Variants in DYNC2H1 observed in about 807,000 individuals in gnomAD.
DYNC2H1 encodes cytoplasmic dynein 2 heavy chain 1.
A neutral mutation model predicts 570.0 loss-of-function variants in DYNC2H1; 410 were observed. The ratio of observed to expected loss-of-function variants is 0.72; its 90% CI spans 0.66 to 0.78. DYNC2H1 has a LOEUF of 0.78. Ranked by LOEUF, DYNC2H1 falls within the 30% of genes least tolerant of loss-of-function variation. DYNC2H1 has a pLI of 0.00. For synonymous variants in DYNC2H1, 1,688 were observed against 1,677.6 expected (o/e 1.01, Z -0.15); for missense variants, 4,865 against 5,046.4 (o/e 0.96, Z 1.09).
chr11:103,238,538 T>A (rs1485683075), intron 63 of DYNC2H1, among the ~76,000 whole-genome samples: 1 of 151,476 alleles, frequency 6.6e-6, no homozygotes, highest in Non-Finnish European at 1.5e-5. Flanking sequence ...CACCGCATAC[T>A]CCAGCCTGGG....
At position 103,201,244 on chromosome 11, in the gene DYNC2H1, T is replaced by G. The variant is rs972343989; in HGVS notation, c.8197+1090T>G. Among the ~76,000 whole-genome samples the G allele has an allele frequency of 3.3e-5, 5 of 152,208 alleles. No individual in the cohort carries two copies. ...ACCACTTGAAAGAGGACTATCTTAA[T>G]ACAAATACTCTCTAGAAATTTATGG... On this transcript the variant is annotated intron_variant, in intron 50 of 88. Transcript: ENST00000375735. The surrounding 1 kb of genome is among the most constrained non-coding windows in gnomAD (Gnocchi z 4.8).
At chr11:103,124,273 CCT>C (rs1858871630) in intron 11 of DYNC2H1, among the ~76,000 whole-genome samples, 1 of 151,652 alleles carries the variant, frequency 6.6e-6, no homozygotes, top group Non-Finnish European at 1.5e-5. Context: ...ATGGCGAAAT[CCT>C]GTCTCTACAA....
chr11:103,158,621 T>C (rs1860940062), intron 26 of DYNC2H1, 56 bp from the exon 27 acceptor site: 1 of 1,434,398 alleles, frequency 7.0e-7, no homozygotes, highest in Non-Finnish European at 9.4e-7. Context: ...AATCTGTTTT[T>C]CTTACCCCCC....
Position 103,163,074 on chromosome 11 carries a change from A to G in DYNC2H1, c.4538A>G (p.Gln1513Arg), listed in dbSNP as rs1173677747. The G allele has an allele frequency of 1.9e-6, 3 of 1,613,202 alleles. No homozygotes were observed. Among genetic ancestry groups the G allele is most frequent in the Non-Finnish European group, 2.5e-6 (3 of 1,179,318 alleles). Residue 1513 changes from glutamine (Q) to arginine (R), a missense_variant, in exon 30 of 89, where the codon CAG becomes CGG. Around this residue, in one of 5 missense-constraint regions of DYNC2H1, gnomAD observed 1,936 missense variants for 1,962.1 expected, o/e 0.99. Coordinates refer to ENST00000375735, the MANE Select transcript of DYNC2H1 (RefSeq NM_001377.3). The surrounding 1 kb of genome is among the most constrained non-coding windows in gnomAD (Gnocchi z 4.6). The stretch of plus-strand genomic sequence containing the variant: ...TTAGAAATGAAGAAAACTTTGGAAC[A>G]GTTGTTGAAGGAATGTGTTACTACT... Reference protein sequence around the residue: ...LALEMKKTLEQLLKECVTTGR... With the variant: ...LALEMKKTLERLLKECVTTGR...
intron 20 of DYNC2H1, among the ~76,000 whole-genome samples, chr11:103,149,482 T>A (rs1196462006): frequency 6.6e-6 from 1 of 152,206 alleles, no homozygotes; most frequent in Non-Finnish European, 1.5e-5. Flanking sequence ...CTTAAAATTA[T>A]AAAGAGAGAT....
chr11:103,386,952 A>T (rs1450545303), intron 83 of DYNC2H1, among the ~76,000 whole-genome samples: 1 of 151,786 alleles, frequency 6.6e-6, no homozygotes, highest in Non-Finnish European at 1.5e-5. Context: ...ATAGTGCAGC[A>T]ATAAACATAC....
chr11:103,310,687 TTTTTTTTTTTTG>T (rs955888963), intron 78 of DYNC2H1, among the ~76,000 whole-genome samples: 1 of 89,778 alleles, frequency 1.1e-5, no homozygotes, highest in Non-Finnish European at 2.1e-5. Context: ...TTTTTTTTTT[TTTTTTTTTTTTG>T]GGAGACTGAG....
At chr11:103,424,249 T>G (rs1252688630) in intron 84 of DYNC2H1, among the ~76,000 whole-genome samples, 1 of 122,094 alleles carries the variant, frequency 8.2e-6, no homozygotes, top group Non-Finnish European at 1.6e-5. Context: ...GGTATATTAA[T>G]TATATATCAG....
chr11:103,418,221 A>G (rs112888933), intron 84 of DYNC2H1, among the ~76,000 whole-genome samples: 1 of 143,768 alleles, frequency 7.0e-6, no homozygotes, highest in Non-Finnish European at 1.5e-5. Flanking sequence ...TTGGAAAGAA[A>G]GAAGGAAGCC....
Position 103,319,563 on chromosome 11 carries a change from T to G in DYNC2H1, c.11726-1466T>G, listed in dbSNP as rs2135434107. 6.6e-6 allele frequency among the ~76,000 whole-genome samples: 1 copy of G among 152,286 alleles called. No homozygotes were observed. The highest frequency in any genetic ancestry group is 2.1e-4 in the South Asian group (1 of 4,824). On this transcript the variant is annotated intron_variant, in intron 80 of 88. Transcript: ENST00000375735. The surrounding 1 kb of genome is among the most constrained non-coding windows in gnomAD (Gnocchi z 4.3). ...ACATTTAATATGTGGAGTTAAGCTA[T>G]CAGTAATTGTTGGCTGTTATTATTG...
chr11:103,133,477 A>G lies in DYNC2H1; in HGVS notation c.1954-78A>G. 1 of 1,396,526 alleles carries G rather than the reference A, an allele frequency of 7.2e-7. No homozygotes were observed. Among genetic ancestry groups the G allele is most frequent in the Non-Finnish European group, 9.7e-7 (1 of 1,029,176 alleles). The allele number at this position is 1,396,526 out of a possible 1,614,324, so 86.5% of individuals were successfully genotyped here. ...TGCAGGTCAGAGTTGGGGATAGTTG[A>G]ACTTTTGATATAGAATATTGAAACT... On this transcript the variant is annotated intron_variant, in intron 13 of 88. Coordinates refer to ENST00000375735, the MANE Select transcript of DYNC2H1 (RefSeq NM_001377.3). The surrounding 1 kb of genome is among the most constrained non-coding windows in gnomAD (Gnocchi z 4.8).
intron 18 of DYNC2H1, among the ~76,000 whole-genome samples, chr11:103,143,875 T>C (rs12365335): frequency 0.047 from 7,214 of 152,284 alleles, 236 homozygotes; most frequent in Non-Finnish European, 0.068. Flanking sequence ...GAATATAGTC[T>C]CCTTGTATCT....
intron 36 of DYNC2H1, among the ~76,000 whole-genome samples, chr11:103,175,480 C>T (rs184261485): frequency 6.6e-6 from 1 of 152,190 alleles, no homozygotes; most frequent in Non-Finnish European, 1.5e-5. Flanking sequence ...TTAGAGAAGT[C>T]CAGACTTTTT....
At chr11:103,123,644 A>C (rs1858835912) in intron 11 of DYNC2H1, among the ~76,000 whole-genome samples, 1 of 152,188 alleles carries the variant, frequency 6.6e-6, no homozygotes, top group South Asian at 2.1e-4. Flanking sequence ...AAAAAACAAA[A>C]AAAACCAGTG....
At chr11:103,309,000 T>C (rs1867433749) in intron 78 of DYNC2H1, among the ~76,000 whole-genome samples, 1 of 152,008 alleles carries the variant, frequency 6.6e-6, no homozygotes, top group Admixed American at 6.6e-5. Context: ...TCTATGCTTA[T>C]GTCCATCCAT....
intron 83 of DYNC2H1, among the ~76,000 whole-genome samples, chr11:103,393,766 A>G (rs2566931): frequency 0.67 from 101,613 of 151,508 alleles, 34,177 homozygotes; most frequent in Admixed American, 0.73. Flanking sequence ...AGGTTTAATG[A>G]ACTTATAGTT....
chr11:103,395,003 C>T lies in DYNC2H1; in HGVS notation c.12157-4660C>T, dbSNP rs1192287245. ...TCCCTTCCCTACCCTCCTCTTTCCA[C>T]AGTTTTGCCAGAAATCCACTTGTGG... On this transcript the variant is annotated intron_variant, in intron 83 of 88. Coordinates refer to ENST00000375735, the MANE Select transcript of DYNC2H1 (RefSeq NM_001377.3). The surrounding 1 kb of genome is among the most constrained non-coding windows in gnomAD (Gnocchi z 4.3). Among the ~76,000 whole-genome samples the T allele has an allele frequency of 6.6e-6, 1 of 152,042 alleles. No homozygotes were observed. The highest frequency in any genetic ancestry group is 2.4e-5 in the African/African-American group (1 of 41,434).
chr11:103,296,244 G>A (rs1442357196), intron 75 of DYNC2H1, among the ~76,000 whole-genome samples: 1 of 152,124 alleles, frequency 6.6e-6, no homozygotes, highest in Non-Finnish European at 1.5e-5. Context: ...TGTTCCTGAA[G>A]GGGACAATTG....
chr11:103,134,482 A>G (rs915643536), intron 15 of DYNC2H1, 63 bp downstream of exon 15: 16 of 1,302,636 alleles, frequency 1.2e-5, no homozygotes, highest in African/African-American at 3.0e-5. Context: ...TGTAAGTACA[A>G]TATATGAATT....
Sources: gnomAD v4.1 joint callset for allele counts (sites outside exome capture counted in the v4.1 genomes callset) on GRCh38, gnomAD v4.1.1 for gene constraint, gnomAD v4.1.1 regional missense constraint, Gnocchi (gnomAD v3.1) non-coding constraint, MANE v1.5 for transcripts, NCBI Gene and HGNC (gene_info 2026-07-23, HGNC 2026-07-21) for gene names.